Variants in ACTN3 observed in about 807,000 individuals in gnomAD.
ACTN3 encodes actinin alpha 3.
Under a neutral mutation model 119.6 loss-of-function variants are expected in ACTN3, and 91 were observed. The observed-to-expected ratio is 0.76, with a 90% CI of 0.64 to 0.91. The LOEUF is 0.91. Among genes scored for constraint, ACTN3 ranks in the 40% least tolerant of loss-of-function variants. ACTN3 has a pLI of 0.00. For synonymous variants in ACTN3, 456 were observed against 478.8 expected (o/e 0.95, Z 0.62); for missense variants, 1,221 against 1,215.1 (o/e 1.00, Z -0.07).
chr11:66,561,760 T>A, intron 17 of ACTN3, 123 bp downstream of exon 17: 1 of 1,262,660 alleles, frequency 7.9e-7, no homozygotes, highest in Non-Finnish European at 1.1e-6. Context: ...GCCAGGTCCC[T>A]TAAGACCCAG....
At chr11:66,562,655 G>A (rs1857809431) in intron 19 of ACTN3, 141 bp from the exon 20 acceptor site, 2 of 989,906 alleles carry the variant, frequency 2.0e-6, no homozygotes, top group African/African-American at 1.6e-5. Context: ...CCTACAGCCA[G>A]GGCTAAGGTC....
At chr11:66,552,437 G>C (rs923665897) in intron 3 of ACTN3, among the ~76,000 whole-genome samples, 5 of 152,074 alleles carry the variant, frequency 3.3e-5, no homozygotes, top group Non-Finnish European at 7.4e-5. Flanking sequence ...CCTAGTAAGA[G>C]TTTAGTGAAA....
At chr11:66,551,206 T>C in intron 1 of ACTN3, 33 bp from the exon 2 acceptor site, 2 of 1,489,460 alleles carry the variant, frequency 1.3e-6, no homozygotes, top group Non-Finnish European at 9.3e-7. Context: ...CCAGAGCCAG[T>C]CGTAGGGTTT....
chr11:66,560,054 A>G lies in ACTN3; in HGVS notation c.1514A>G (p.Gln505Arg). ...TGGGACAACCTGGGCACCCTGACCC[A>G]GAAGAGGCGGGATGCGCTAGAGGTG... Reference protein sequence around the residue: ...DQWDNLGTLTQKRRDALERME... With the variant: ...DQWDNLGTLTRKRRDALERME... Residue 505 changes from glutamine to arginine, a missense_variant, in exon 13 of 21, where the codon CAG becomes CGG. Gln to Arg is a conservative substitution (Grantham distance 43, BLOSUM62 1). This residue lies in a region of ACTN3 where 934 missense variants were observed against 899.9 expected (regional missense o/e 1.04). Transcript: ENST00000513398. 1 of 1,580,184 alleles carries G rather than the reference A, an allele frequency of 6.3e-7. No homozygotes were observed. The highest frequency in any genetic ancestry group is 8.6e-7 in the Non-Finnish European group (1 of 1,163,878).
In ACTN3 at chr11:66,551,559, G is replaced by C; in HGVS notation, c.294G>C (p.Lys98Asn). ...GGCTGCCTAGGCCAGATAAAGGCAA[G>C]ATGCGCTTCCACAAAATCGCCAACG... Reference protein sequence around the residue: ...GERLPRPDKGKMRFHKIANVN... With the variant: ...GERLPRPDKGNMRFHKIANVN... Residue 98 changes from lysine to asparagine, a missense_variant, in exon 3 of 21, where the codon AAG (lysine) becomes AAC (asparagine). Physicochemically the swap from Lys to Asn is moderately conservative, Grantham distance 94. Transcript: ENST00000513398. 6.2e-7 allele frequency: 1 copy of C among 1,614,128 alleles called. No individual in the cohort carries two copies. The highest frequency in any genetic ancestry group is 8.5e-7 in the Non-Finnish European group (1 of 1,179,998).
chr11:66,559,987 G>A lies in ACTN3; in HGVS notation c.1447G>A (p.Ala483Thr). The stretch of plus-strand genomic sequence containing the variant: ...TCCCAGTGAGCTGGACTACCACGAG[G>A]CAGCCTCAGTGAATAGCCGCTGCCA... The part of the protein sequence containing the change: ...QELNELDYHE[A>T]ASVNSRCQAI... Residue 483 changes from alanine (A) to threonine (T), a missense_variant, in exon 13 of 21, where the codon GCA (alanine) becomes ACA (threonine). By Grantham distance (58) the Ala-to-Thr change is moderately conservative (BLOSUM62 0). Around this residue, in one of 3 missense-constraint regions of ACTN3, gnomAD observed 934 missense variants for 899.9 expected, o/e 1.04. Coordinates refer to ENST00000513398, the MANE Select transcript of ACTN3 (RefSeq NM_001104.4). The A allele has an allele frequency of 6.3e-7, 1 of 1,599,602 alleles. No homozygotes were observed. The highest frequency in any genetic ancestry group is 8.5e-7 in the Non-Finnish European group (1 of 1,174,842).
chr11:66,555,195 C>T lies in ACTN3; in HGVS notation c.623C>T (p.Ala208Val). The change falls in exon 6 of 21, where the codon GCC becomes GTC. Residue 208 changes from alanine to valine, a missense_variant. Physicochemically the swap from Ala to Val is moderately conservative, Grantham distance 64. This residue lies in a region of ACTN3 where 48 missense variants were observed against 83.4 expected (regional missense o/e 0.58). Transcript: ENST00000513398. ...CACCGCCCTGACCTCATCGACTACG[C>T]CAAACTGCGAAAGGTAGAGGCCCCC... ...HRHRPDLIDY[A>V]KLRKDDPIGN... is the part of the protein sequence containing the mutation. 1 of 1,614,002 alleles carries T rather than the reference C, an allele frequency of 6.2e-7. No homozygotes were observed. The highest frequency in any genetic ancestry group is 2.2e-5 in the East Asian group (1 of 44,866).
chr11:66,561,930 G>C (rs912490282), intron 17 of ACTN3, 92 bp from the exon 18 acceptor site: 21 of 1,482,930 alleles, frequency 1.4e-5, no homozygotes, highest in Admixed American at 2.0e-5. Context: ...GGGAGGACTT[G>C]CCCAGGGTCA....
In ACTN3 at chr11:66,563,146, G is replaced by A; in HGVS notation, c.2659G>A (p.Asp887Asn). The change falls in exon 21 of 21, where the codon GAC becomes AAC. Residue 887 changes from aspartate (D) to asparagine (N), a missense_variant. By Grantham distance (23) the Asp-to-Asn change is conservative (BLOSUM62 1). Transcript: ENST00000513398. ...KGSGAPAGAL[D>N]YVAFSSALYG... ...ATCCGGGGCCCCGGCTGGAGCCCTG[G>A]ACTACGTGGCCTTCTCCAGTGCCCT... 6.2e-7 allele frequency: 1 copy of A among 1,613,250 alleles called. No individual in the cohort carries two copies. The highest frequency in any genetic ancestry group is 8.5e-7 in the Non-Finnish European group (1 of 1,179,644).
upstream of ACTN3, chr11:66,546,525 C>T (rs1346348771): frequency 6.5e-6 from 10 of 1,535,386 alleles, no homozygotes; most frequent in Non-Finnish European, 8.7e-6. Flanking sequence ...GGATAGGGCT[C>T]TGTGTCCCAC....
intron 1 of ACTN3, among the ~76,000 whole-genome samples, chr11:66,549,204 G>A (rs539789497): frequency 3.3e-5 from 5 of 152,252 alleles, no homozygotes; most frequent in South Asian, 2.1e-4. Flanking sequence ...CACAGCCACC[G>A]AGCACTTGCC....
intron 11 of ACTN3, 135 bp downstream of exon 11, chr11:66,558,309 C>G: frequency 7.6e-7 from 1 of 1,310,170 alleles, no homozygotes; most frequent in Non-Finnish European, 1.0e-6. Flanking sequence ...GACTGGATTT[C>G]TAGTCCCACC....
At chr11:66,554,289 CCAAA>C (rs1857542110) in intron 4 of ACTN3, 158 bp downstream of exon 4, 3 of 11,174 alleles carry the variant, frequency 2.7e-4, no homozygotes, top group Non-Finnish European at 4.3e-4. Context: ...ACAAAAAATA[CCAAA>C]AAAAAAAAAA....
At chr11:66,559,424 C>A (rs1430927412) in intron 12 of ACTN3, 38 bp downstream of exon 12, 3 of 1,426,426 alleles carry the variant, frequency 2.1e-6, no homozygotes, top group Non-Finnish European at 1.8e-6. Flanking sequence ...CCAACACCCC[C>A]GGCCCCGCCC....
At chr11:66,561,045 T>C (rs1386426530) in intron 15 of ACTN3, 182 bp from the exon 16 acceptor site, 3 of 369,436 alleles carry the variant, frequency 8.1e-6, no homozygotes, top group Non-Finnish European at 1.1e-5. Flanking sequence ...ATCAGCCCCA[T>C]TTTGCAGATG....
At position 66,557,146 on chromosome 11, in the gene ACTN3, C is replaced by T; in HGVS notation, c.818C>T (p.Ala273Val). Reference protein sequence around the residue: ...FAGAEQAETAANRICKVLAVN... With the variant: ...FAGAEQAETAVNRICKVLAVN... ...CTCCCCCCACAGGCAGAGACAGCTGCCAACAGGATCTGCAAGGTGCTGGCA... is the reference window on the plus strand; with the variant it reads ...CTCCCCCCACAGGCAGAGACAGCTGTCAACAGGATCTGCAAGGTGCTGGCA... The change falls in exon 9 of 21, where the codon GCC becomes GTC. Residue 273 changes from alanine (A) to valine (V), a missense_variant. By Grantham distance (64) the Ala-to-Val change is moderately conservative. Around this residue, in one of 3 missense-constraint regions of ACTN3, gnomAD observed 934 missense variants for 899.9 expected, o/e 1.04. Coordinates refer to ENST00000513398, the MANE Select transcript of ACTN3 (RefSeq NM_001104.4). The T allele has an allele frequency of 1.4e-5, 21 of 1,552,872 alleles. No homozygotes were observed. Among genetic ancestry groups the T allele is most frequent in the Non-Finnish European group, 1.7e-5 (20 of 1,147,640 alleles).
rs769626754 is a variant in ACTN3 at position 66,562,834 on chromosome 11, C to T, written c.2427C>T (p.Asp809=). Residue 809 remains aspartate, a synonymous_variant, in exon 20 of 21, where the codon GAC becomes GAT. Coordinates refer to ENST00000513398, the MANE Select transcript of ACTN3 (RefSeq NM_001104.4). ...TTGCTCGCATCATGACCATGGTGGA[C>T]CCCAACGCAGCTGGGGTGGTGACCT... ...VEFARIMTMV[D]PNAAGVVTFQ... is the part of the protein sequence containing the mutation. 1 of 1,613,480 alleles carries T rather than the reference C, an allele frequency of 6.2e-7. No homozygotes were observed. The highest frequency in any genetic ancestry group is 1.1e-5 in the South Asian group (1 of 91,044).
At position 66,563,156 on chromosome 11, in the gene ACTN3, C is replaced by T; in HGVS notation, c.2669C>T (p.Ala890Val). 6.8e-6 allele frequency: 11 copies of T among 1,612,766 alleles called. No homozygotes were observed. The highest frequency in any genetic ancestry group is 9.3e-6 in the Non-Finnish European group (11 of 1,179,394). The change falls in exon 21 of 21, where the codon GCC becomes GTC. Residue 890 changes from alanine to valine, a missense_variant. This residue lies in a region of ACTN3 where 934 missense variants were observed against 899.9 expected (regional missense o/e 1.04). Coordinates refer to ENST00000513398, the MANE Select transcript of ACTN3 (RefSeq NM_001104.4). ...CCGGCTGGAGCCCTGGACTACGTGG[C>T]CTTCTCCAGTGCCCTCTATGGGGAG... ...GAPAGALDYV[A>V]FSSALYGESD...
Position 66,562,873 on chromosome 11 carries a change from A to G in ACTN3, c.2466A>G (p.Ile822Met), listed in dbSNP as rs777908082. 1 of 1,613,844 alleles carries G rather than the reference A, an allele frequency of 6.2e-7. No individual in the cohort carries two copies. Among genetic ancestry groups the G allele is most frequent in the Admixed American group, 1.7e-5 (1 of 60,004 alleles). ...GGGTGGTGACCTTCCAGGCCTTCAT[A>G]GACTTCATGACCCGAGAGACAGCCG... ...AAGVVTFQAF[I>M]DFMTRETAET... is the part of the protein sequence containing the mutation. The change falls in exon 20 of 21, where the codon ATA (isoleucine) becomes ATG (methionine). Residue 822 changes from isoleucine to methionine, a missense_variant. Around this residue, in one of 3 missense-constraint regions of ACTN3, gnomAD observed 934 missense variants for 899.9 expected, o/e 1.04. Transcript: ENST00000513398.
Sources: allele counts gnomAD v4.1 joint callset (sites outside exome capture counted in the v4.1 genomes callset), GRCh38; gene constraint gnomAD v4.1.1; regional missense constraint gnomAD v4.1.1; transcripts MANE v1.5; gene names NCBI Gene and HGNC (gene_info 2026-07-23, HGNC 2026-07-21).